Variants in AGBL4 observed in about 807,000 individuals in gnomAD.
The protein encoded by AGBL4 is cytosolic carboxypeptidase 6.
Under a neutral mutation model 66.4 loss-of-function variants are expected in AGBL4, and 58 were observed. The ratio of observed to expected loss-of-function variants is 0.87; its 90% confidence interval spans 0.71 to 1.09. The LOEUF (loss-of-function observed/expected upper bound fraction) is 1.09. Among genes scored for constraint, AGBL4 ranks in the 50% least tolerant of loss-of-function variants. The probability of loss-of-function intolerance (pLI) is 0.00; values close to 1 mark genes in which losing one functional copy is unlikely to be tolerated. For synonymous variants in AGBL4, 234 were observed against 222.9 expected (o/e 1.05, Z -0.44); for missense variants, 579 against 631.0 (o/e 0.92, Z 0.88).
At chr1:50,013,450 T>C (rs1013407129) in intron 1 of AGBL4, among the ~76,000 whole-genome samples, 1 of 152,194 alleles carries the variant, frequency 6.6e-6, no homozygotes, top group Admixed American at 6.5e-5. Context: ...CTGTATAATA[T>C]GTGTGATGCA....
At chr1:48,904,659 T>C (rs564865143) in intron 5 of AGBL4, among the ~76,000 whole-genome samples, 1 of 152,300 alleles carries the variant, frequency 6.6e-6, no homozygotes, top group African/African-American at 2.4e-5. Context: ...GGGGATATAA[T>C]AAAAACCTAC....
intron 6 of AGBL4, among the ~76,000 whole-genome samples, chr1:48,787,193 A>G (rs1645430301): frequency 6.6e-6 from 1 of 152,240 alleles, no homozygotes; most frequent in Middle Eastern, 3.4e-3. Flanking sequence ...TCTGGCTCCC[A>G]CTGAGTCTGA....
chr1:48,759,196 A>G, intron 6 of AGBL4: 1 of 1,612,606 alleles, frequency 6.2e-7, no homozygotes, highest in South Asian at 1.1e-5. Flanking sequence ...GCTATGGCCC[A>G]GGCTCAGGCC....
At chr1:49,270,991 A>G (rs996690528) in intron 3 of AGBL4, among the ~76,000 whole-genome samples, 6 of 152,198 alleles carry the variant, frequency 3.9e-5, no homozygotes, top group African/African-American at 1.4e-4. Flanking sequence ...TCAAACTGCC[A>G]GCTGTGGGTT....
chr1:49,927,230 A>G (rs1010239598), intron 1 of AGBL4, among the ~76,000 whole-genome samples: 6 of 152,196 alleles, frequency 3.9e-5, no homozygotes, highest in Non-Finnish European at 7.3e-5. Flanking sequence ...TTGCATCTAC[A>G]ATCAAATCAA....
intron 4 of AGBL4, among the ~76,000 whole-genome samples, chr1:49,096,054 A>T (rs1645094041): frequency 6.6e-6 from 1 of 151,928 alleles, no homozygotes. Flanking sequence ...TTCTCAAAAG[A>T]AGACATTTAT....
intron 3 of AGBL4, among the ~76,000 whole-genome samples, chr1:49,486,606 T>C (rs1647072075): frequency 6.6e-6 from 1 of 152,002 alleles, no homozygotes; most frequent in Non-Finnish European, 1.5e-5. Context: ...CTCTGGTTCA[T>C]TTCCCTCACT....
At chr1:48,884,391 CTT>C (rs74429434) in intron 5 of AGBL4, among the ~76,000 whole-genome samples, 133 of 145,932 alleles carry the variant, frequency 9.1e-4, no homozygotes, top group Admixed American at 2.2e-3. Context: ...AGAGCCTGGA[CTT>C]TTTTTTTTTT....
At chr1:49,674,378 A>G (rs982837892) in intron 3 of AGBL4, among the ~76,000 whole-genome samples, 13 of 151,892 alleles carry the variant, frequency 8.6e-5, no homozygotes, top group African/African-American at 3.1e-4. Context: ...CACCTCCTCT[A>G]CAAGAGTGAG....
chr1:49,929,237 T>C (rs572202287), intron 1 of AGBL4, among the ~76,000 whole-genome samples: 2 of 152,026 alleles, frequency 1.3e-5, no homozygotes, highest in Non-Finnish European at 1.5e-5. Context: ...ACAGGTTCAA[T>C]TGTACTCCAA....
chr1:49,000,333 T>C (rs543902558), intron 5 of AGBL4, among the ~76,000 whole-genome samples: 16 of 152,294 alleles, frequency 1.1e-4, no homozygotes, highest in Non-Finnish European at 2.2e-4. Context: ...ATCTCCCTTA[T>C]GTATATGACT....
At chr1:49,187,231 T>C (rs1274247321) in intron 4 of AGBL4, 1 of 152,124 alleles carries the variant, frequency 6.6e-6, no homozygotes, top group Non-Finnish European at 1.5e-5. Flanking sequence ...CTCTCTCTTG[T>C]TTCTCGTCAG....
intron 3 of AGBL4, among the ~76,000 whole-genome samples, chr1:49,396,540 A>C (rs950037612): frequency 6.6e-6 from 1 of 152,208 alleles, no homozygotes; most frequent in African/African-American, 2.4e-5. Context: ...TTTTAATAGC[A>C]AAAATATGAA....
chr1:49,996,725 T>G (rs1660393403), intron 1 of AGBL4, among the ~76,000 whole-genome samples: 1 of 152,166 alleles, frequency 6.6e-6, no homozygotes, highest in Admixed American at 6.5e-5. Context: ...CCTGGGAAAT[T>G]CATCACAAAA....
chr1:48,925,694 T>C (rs907446304), intron 5 of AGBL4, among the ~76,000 whole-genome samples: 9 of 152,188 alleles, frequency 5.9e-5, no homozygotes, highest in Admixed American at 5.2e-4. Context: ...AATTCTTTTT[T>C]TGAATATTTT....
intron 3 of AGBL4, among the ~76,000 whole-genome samples, chr1:49,553,989 C>T (rs1489209212): frequency 6.6e-6 from 1 of 152,012 alleles, no homozygotes; most frequent in Non-Finnish European, 1.5e-5. Flanking sequence ...AATTTTAAAA[C>T]CTTAGCTGGC....
intron 1 of AGBL4, among the ~76,000 whole-genome samples, chr1:49,865,007 T>A (rs1435206382): frequency 6.6e-6 from 1 of 152,204 alleles, no homozygotes; most frequent in Non-Finnish European, 1.5e-5. Context: ...GACTGCCTCT[T>A]CAGGCCAGAT....
intron 3 of AGBL4, among the ~76,000 whole-genome samples, chr1:49,555,319 T>G (rs1489678561): frequency 6.6e-6 from 1 of 151,010 alleles, no homozygotes; most frequent in Non-Finnish European, 1.5e-5. Flanking sequence ...GAGCACTGAT[T>G]GGTGCATTTA....
Position 49,876,948 on chromosome 1 carries a change from G to A in AGBL4, c.35-25430C>T, listed in dbSNP as rs1041665549. ...GTGAATGGGAGTTCACTCATTATTT[G>A]GCTCTCTGTTTGTCTGTTGTTGGTG... On this transcript the variant is annotated intron_variant, in intron 1 of 13. Transcript: ENST00000371839. Among the ~76,000 whole-genome samples the A allele has an allele frequency of 8.7e-4, 132 of 151,626 alleles. 2 individuals are homozygous for A. Among genetic ancestry groups the A allele is most frequent in the African/African-American group, 3.0e-3 (125 of 41,200 alleles).
Sources: allele counts gnomAD v4.1 joint callset (sites outside exome capture counted in the v4.1 genomes callset), GRCh38; gene constraint gnomAD v4.1.1; transcripts MANE v1.5; gene names NCBI Gene and HGNC (gene_info 2026-07-23, HGNC 2026-07-21).